The following CCDC63 variants were observed in gnomAD, a reference collection of about 807,000 sequenced individuals.
The protein encoded by CCDC63 is coiled-coil domain-containing protein 63.
In CCDC63, 54 loss-of-function variants were observed where a neutral mutation model predicts 63.6. That is an observed-to-expected ratio of 0.85 (90% CI 0.68 to 1.07). The LOEUF (loss-of-function observed/expected upper bound fraction) is 1.07, where lower values mean the gene tolerates loss of function less well. Ranked by LOEUF, CCDC63 falls within the 50% of genes least tolerant of loss-of-function variation. The pLI is 0.00. For missense variants in CCDC63, 637 were observed against 689.6 expected, an observed-to-expected ratio of 0.92 and a Z score of 0.86; for synonymous variants, 253 against 266.1, an observed-to-expected ratio of 0.95 and a Z score of 0.48.
At chr12:110,845,179 G>A (rs1391876803), upstream of CCDC63, among the ~76,000 whole-genome samples, 2 of 152,162 alleles carry the variant, frequency 1.3e-5, no homozygotes, top group Non-Finnish European at 2.9e-5. Context: ...TAAATTCGTC[G>A]GAGGAAGGTC....
intron 1 of CCDC63, among the ~76,000 whole-genome samples, chr12:110,848,177 G>T (rs2299667): frequency 0.56 from 85,212 of 152,098 alleles, 25,046 homozygotes; most frequent in Admixed American, 0.65. Context: ...GGGGAGCTTA[G>T]CCAATAGGGA....
chr12:110,901,135 T>C (rs2071480660), intron 10 of CCDC63, among the ~76,000 whole-genome samples: 1 of 152,234 alleles, frequency 6.6e-6, no homozygotes, highest in Non-Finnish European at 1.5e-5. Context: ...GACACTCTTT[T>C]AAAATTTTTT....
intron 9 of CCDC63, among the ~76,000 whole-genome samples, chr12:110,894,050 C>A (rs2071388814): frequency 6.6e-6 from 1 of 151,748 alleles, no homozygotes; most frequent in Non-Finnish European, 1.5e-5. Flanking sequence ...TGGTATGGCA[C>A]CTTTATGATG....
Position 110,907,184 on chromosome 12 carries a change from G to A in CCDC63, c.1547-147G>A, listed in dbSNP as rs977081286. 88 of 696,482 alleles carry A rather than the reference G, an allele frequency of 1.3e-4. No individual in the cohort carries two copies. In the African/African-American group the frequency reaches 1.4e-3, roughly 11 times the overall value. The allele number at this position is 696,482 out of a possible 1,614,324, so 43.1% of individuals were successfully genotyped here. On this transcript the variant is annotated intron_variant, in intron 11 of 11. Coordinates refer to ENST00000308208, the MANE Select transcript of CCDC63 (RefSeq NM_152591.3). The surrounding 1 kb of genome is among the most constrained non-coding windows in gnomAD (Gnocchi z 4.4). The stretch of plus-strand genomic sequence containing the variant: ...GTCATTGTCTGGGCAGCCCCAAGAA[G>A]TATATTTCTGTTCATTCTCCCCCTC...
chr12:110,906,886 T>C (rs1279192777), intron 11 of CCDC63, among the ~76,000 whole-genome samples: 1 of 152,190 alleles, frequency 6.6e-6, no homozygotes, highest in Non-Finnish European at 1.5e-5. Flanking sequence ...AAGGGAATGT[T>C]GATGAACATT....
chr12:110,893,544 C>T (rs1482150926), intron 9 of CCDC63, among the ~76,000 whole-genome samples: 1 of 152,200 alleles, frequency 6.6e-6, no homozygotes, highest in African/African-American at 2.4e-5. Flanking sequence ...CAAATACACA[C>T]ACTTCTGGAG....
chr12:110,881,304 C>T lies in CCDC63; in HGVS notation c.853+8C>T, dbSNP rs972520154. 6.2e-7 allele frequency: 1 copy of T among 1,611,362 alleles called. No homozygotes were observed. Among genetic ancestry groups the T allele is most frequent in the South Asian group, 1.1e-5 (1 of 90,602 alleles). On this transcript the variant is annotated splice_region_variant and intron_variant, in intron 7 of 11. Transcript: ENST00000308208. ...AGGCCAAAAGGGAGGAAGGTACACCCTCCAGGAGCAAGCTTGTGCTCTCTC... is the reference window on the plus strand; with the variant it reads ...AGGCCAAAAGGGAGGAAGGTACACCTTCCAGGAGCAAGCTTGTGCTCTCTC...
intron 2 of CCDC63, 111 bp downstream of exon 2, chr12:110,853,074 C>A: frequency 8.3e-7 from 1 of 1,200,482 alleles, no homozygotes. Context: ...TGTGCTCACC[C>A]ATTTTGTAGG....
intron 5 of CCDC63, among the ~76,000 whole-genome samples, chr12:110,875,594 TTA>T (rs1593667444): frequency 6.6e-6 from 1 of 152,226 alleles, no homozygotes; most frequent in Non-Finnish European, 1.5e-5. Context: ...TTTCAGTAGT[TTA>T]TGTCTTTCTA....
Position 110,884,067 on chromosome 12 carries a change from A to C in CCDC63, c.891A>C (p.Gly297=), listed in dbSNP as rs1309624070. 2.5e-6 allele frequency: 4 copies of C among 1,613,856 alleles called. No individual in the cohort carries two copies. In the South Asian group the frequency reaches 4.4e-5, roughly 18 times the overall value. Residue 297 remains glycine (G), a synonymous_variant, in exon 8 of 12, where the codon GGA becomes GGC. Coordinates refer to ENST00000308208, the MANE Select transcript of CCDC63 (RefSeq NM_152591.3). ...KAKKHVKKNR[G]ESFESYEVAH... ...AGAAGCATGTCAAGAAGAACAGGGG[A>C]GAGAGTTTTGAGAGCTATGAGGTGG...
At chr12:110,846,627 C>T (rs2070639926), upstream of CCDC63, 1 of 152,034 alleles carries the variant, frequency 6.6e-6, no homozygotes, top group Non-Finnish European at 1.5e-5. Flanking sequence ...CTGTACCTAG[C>T]AGGGCTGCTG....
chr12:110,880,112 C>A, intron 6 of CCDC63, 25 bp downstream of exon 6: 3 of 1,606,382 alleles, frequency 1.9e-6, no homozygotes, highest in Non-Finnish European at 2.6e-6. Flanking sequence ...GGTCCAGGGG[C>A]AGCGAGGTCT....
chr12:110,892,676 C>T (rs2071371155), intron 8 of CCDC63, among the ~76,000 whole-genome samples: 1 of 152,014 alleles, frequency 6.6e-6, no homozygotes, highest in Non-Finnish European at 1.5e-5. Context: ...AAAAGCTGGG[C>T]TTGGTGGTGC....
intron 9 of CCDC63, among the ~76,000 whole-genome samples, chr12:110,895,260 C>T (rs987806702): frequency 7.2e-4 from 110 of 152,274 alleles, no homozygotes; most frequent in African/African-American, 2.5e-3. Context: ...ATTACAGGCA[C>T]GTGCCACCAT....
chr12:110,906,352 G>T (rs1179485782), intron 11 of CCDC63, among the ~76,000 whole-genome samples: 1 of 147,348 alleles, frequency 6.8e-6, no homozygotes, highest in Admixed American at 7.0e-5. Flanking sequence ...GGAGGGAGGG[G>T]CGATGAGAGA....
intron 4 of CCDC63, among the ~76,000 whole-genome samples, chr12:110,860,986 G>GA (rs1431271125): frequency 6.6e-6 from 1 of 152,160 alleles, no homozygotes; most frequent in African/African-American, 2.4e-5. Flanking sequence ...GAGGCCTCAG[G>GA]AAACTTATAA....
chr12:110,904,687 T>G lies in CCDC63; in HGVS notation c.1442T>G (p.Ile481Ser), dbSNP rs373980752. ...GAEAEIPPPFINPFWGGSALL... is the reference protein window; with the variant it reads ...GAEAEIPPPFSNPFWGGSALL... ...GAGGCTGAGATCCCGCCACCCTTCA[T>G]CAACCCTTTCTGGGGTGGCTCTGCC... The change falls in exon 11 of 12, where the codon ATC becomes AGC. Residue 481 changes from isoleucine (I) to serine (S), a missense_variant. Transcript: ENST00000308208. 7.6e-5 allele frequency: 122 copies of G among 1,613,964 alleles called. No individual in the cohort carries two copies. The highest frequency in any genetic ancestry group is 1.0e-4 in the Non-Finnish European group (120 of 1,180,000).
intron 7 of CCDC63, among the ~76,000 whole-genome samples, chr12:110,883,797 A>C (rs1390236940): frequency 6.6e-6 from 1 of 151,882 alleles, no homozygotes; most frequent in Non-Finnish European, 1.5e-5. Flanking sequence ...GTGCCACCAC[A>C]CCTGGCTAAT....
chr12:110,893,990 CAAAA>C (rs35844792), intron 9 of CCDC63, among the ~76,000 whole-genome samples: 21 of 117,524 alleles, frequency 1.8e-4, no homozygotes, highest in Non-Finnish European at 1.4e-4. Context: ...GACCCTGTCT[CAAAA>C]AAAAAAAAAA....
Sources: gnomAD v4.1 joint callset for allele counts (sites outside exome capture counted in the v4.1 genomes callset) on GRCh38, gnomAD v4.1.1 for gene constraint, Gnocchi (gnomAD v3.1) non-coding constraint, MANE v1.5 for transcripts, NCBI Gene and HGNC (gene_info 2026-07-23, HGNC 2026-07-21) for gene names.